FBLN7: variants seen among roughly 807,000 people sequenced by gnomAD.
FBLN7 encodes fibulin-7.
FBLN7 carries 31 observed loss-of-function variants against 44.0 expected under a neutral mutation model. That is an observed-to-expected ratio of 0.70 (90% CI 0.53 to 0.95). FBLN7 has a LOEUF of 0.95. FBLN7 is among the 40% of genes least tolerant of loss of function. FBLN7 has a pLI of 0.00. For missense variants in FBLN7, 573 were observed against 618.5 expected (o/e 0.93, Z 0.78); for synonymous variants, 262 against 253.4 (o/e 1.03, Z -0.32).
the FBLN7 span, among the ~76,000 whole-genome samples, chr2:112,220,991 T>C: frequency 6.6e-6 from 1 of 152,206 alleles, no homozygotes; most frequent in Non-Finnish European, 1.5e-5. Context: ...TGAACTTGAA[T>C]GTTGGCCTCT....
At chr2:112,231,112 A>G in the FBLN7 span, among the ~76,000 whole-genome samples, 1 of 152,138 alleles carries the variant, frequency 6.6e-6, no homozygotes, top group East Asian at 1.9e-4. Flanking sequence ...TATTTCATAT[A>G]TATCACTTTT....
At chr2:112,229,620 G>A in the FBLN7 span, among the ~76,000 whole-genome samples, 1 of 152,136 alleles carries the variant, frequency 6.6e-6, no homozygotes, top group Admixed American at 6.5e-5. Context: ...ATATGAAACA[G>A]TGCCAACCCA....
chr2:112,198,352 A>T, the FBLN7 span, among the ~76,000 whole-genome samples: 1 of 152,140 alleles, frequency 6.6e-6, no homozygotes, highest in African/African-American at 2.4e-5. Flanking sequence ...AAAGAAACCC[A>T]GAGGCTGAGT....
At chr2:112,145,008 C>T (rs1002930275) in intron 1 of FBLN7, among the ~76,000 whole-genome samples, 2 of 152,190 alleles carry the variant, frequency 1.3e-5, no homozygotes, top group African/African-American at 4.8e-5. Flanking sequence ...GTGTGTTTAA[C>T]TTCGTAAGAA....
intron 1 of FBLN7, among the ~76,000 whole-genome samples, chr2:112,144,777 G>A (rs897083543): frequency 2.0e-5 from 3 of 152,016 alleles, no homozygotes; most frequent in South Asian, 2.1e-4. Flanking sequence ...CACCCGCCTC[G>A]GCCTCCCAAA....
chr2:112,160,037 C>A (rs904640014), intron 2 of FBLN7, among the ~76,000 whole-genome samples: 1 of 152,038 alleles, frequency 6.6e-6, no homozygotes, highest in Admixed American at 6.5e-5. Flanking sequence ...GTCGCCCAGG[C>A]TGGAGTGCAG....
At chr2:112,191,289 C>A (rs546403518), downstream of FBLN7, among the ~76,000 whole-genome samples, 8 of 152,280 alleles carry the variant, frequency 5.3e-5, no homozygotes, top group African/African-American at 1.9e-4. Context: ...GATTCTCATG[C>A]CTCAGCCTCC....
rs538340673 is a variant in FBLN7, at chr2:112,164,659, C to A, written c.236-342C>A. Among the ~76,000 whole-genome samples the A allele has an allele frequency of 2.6e-5, 4 of 152,292 alleles. No individual in the cohort carries two copies. In the South Asian group the frequency reaches 8.3e-4, roughly 32 times the overall value. The stretch of plus-strand genomic sequence containing the variant: ...GCCTGTTCAGGAGACCTAAAGAAAC[C>A]CAGGGGGGCTGGAGCCCCAGAAAAT... On this transcript the variant is annotated intron_variant, in intron 2 of 7. Coordinates refer to ENST00000331203, the MANE Select transcript of FBLN7 (RefSeq NM_153214.3).
intron 2 of FBLN7, among the ~76,000 whole-genome samples, 162 bp downstream of exon 2, chr2:112,159,997 A>AT (rs1393940816): frequency 3.4e-5 from 5 of 145,972 alleles, no homozygotes; most frequent in Middle Eastern, 3.2e-3. Context: ...TTATTTATTT[A>AT]TTTATTTTTT....
rs774957394 is a variant in FBLN7, at chr2:112,138,605, G to C, written c.-51G>C. On this transcript the variant is annotated 5_prime_UTR_variant, in exon 1 of 8. Coordinates refer to ENST00000331203, the MANE Select transcript of FBLN7 (RefSeq NM_153214.3). ...CCGCATCGCTGGGACAAACTCGGCA[G>C]CGGAGGCAAAGTTATTTCCCCTCCC... The C allele has an allele frequency of 6.2e-7, 1 of 1,604,426 alleles. No homozygotes were observed. Among genetic ancestry groups the C allele is most frequent in the Admixed American group, 1.7e-5 (1 of 59,728 alleles).
At chr2:112,147,890 G>C (rs746320074) in intron 1 of FBLN7, among the ~76,000 whole-genome samples, 2 of 151,100 alleles carry the variant, frequency 1.3e-5, no homozygotes, top group Non-Finnish European at 3.0e-5. Context: ...GGTCGTAGGT[G>C]GGGGGTCTGC....
the FBLN7 span, among the ~76,000 whole-genome samples, chr2:112,196,331 A>G: frequency 0.25 from 37,136 of 147,894 alleles, 5,686 homozygotes; most frequent in Middle Eastern, 0.43. Flanking sequence ...GACTCTGTGC[A>G]CCTGCCTTAC....
rs536693886 is a variant in FBLN7, at chr2:112,167,092, G to A, written c.406+1921G>A. ...TGCACCTGCCCACGCACCCCCAAGC[G>A]GTGCTGCAAGCGAAAGCACATCTTA... On this transcript the variant is annotated intron_variant, in intron 3 of 7. Transcript: ENST00000331203. Among the ~76,000 whole-genome samples the A allele has an allele frequency of 2.0e-3, 306 of 152,322 alleles. 3 individuals carry two copies. The highest frequency in any genetic ancestry group is 0.017 in the Middle Eastern group (5 of 294).
the FBLN7 span, among the ~76,000 whole-genome samples, chr2:112,199,336 G>C: frequency 3.9e-5 from 6 of 152,232 alleles, no homozygotes; most frequent in African/African-American, 1.4e-4. Context: ...TTCCAGTGAC[G>C]GAGTGAAAAA....
At chr2:112,163,192 C>T (rs759573706) in intron 2 of FBLN7, among the ~76,000 whole-genome samples, 47 of 152,280 alleles carry the variant, frequency 3.1e-4, no homozygotes, top group African/African-American at 9.1e-4. Context: ...AGGTTGTGTC[C>T]GGCCCAGGTG....
intron 3 of FBLN7, among the ~76,000 whole-genome samples, chr2:112,169,913 A>G (rs1239087062): frequency 6.6e-6 from 1 of 152,176 alleles, no homozygotes; most frequent in Non-Finnish European, 1.5e-5. Context: ...AAGAGCAGGT[A>G]GTTGGGCAGC....
At chr2:112,213,456 G>A in the FBLN7 span, 1 of 151,824 alleles carries the variant, frequency 6.6e-6, no homozygotes, top group Non-Finnish European at 1.5e-5. Context: ...CTATATACTT[G>A]ACCTATATTA....
chr2:112,230,818 A>C, the FBLN7 span: 4 of 843,994 alleles, frequency 4.7e-6, no homozygotes, highest in Non-Finnish European at 6.5e-6. Flanking sequence ...AAATACTTCT[A>C]TTTGAGAACC....
intron 7 of FBLN7, among the ~76,000 whole-genome samples, chr2:112,185,543 C>T (rs1382217422): frequency 6.6e-6 from 1 of 152,168 alleles, no homozygotes; most frequent in Non-Finnish European, 1.5e-5. Flanking sequence ...ATAAGAACCC[C>T]ATTCCCCATG....
Sources: gnomAD v4.1 joint callset for allele counts (sites outside exome capture counted in the v4.1 genomes callset) on GRCh38, gnomAD v4.1.1 for gene constraint, MANE v1.5 for transcripts, NCBI Gene and HGNC (gene_info 2026-07-23, HGNC 2026-07-21) for gene names.